Variants in MYO3B observed in about 807,000 individuals in gnomAD.
MYO3B encodes myosin IIIB, also known as myosin-IIIb.
MYO3B carries 156 observed loss-of-function variants against 174.6 expected under a neutral mutation model. The ratio of observed to expected loss-of-function variants is 0.89; its 90% CI spans 0.78 to 1.02. The LOEUF is 1.02. Ranked by LOEUF, MYO3B falls within the 50% of genes least tolerant of loss-of-function variation. MYO3B has a pLI of 0.00. For missense variants in MYO3B, 1,632 were observed against 1,639.4 expected, an observed-to-expected ratio of 1.00 and a Z score of 0.08; for synonymous variants, 563 against 569.1, an observed-to-expected ratio of 0.99 and a Z score of 0.15.
chr2:170,191,235 TC>T (rs1182673237), intron 1 of MYO3B, among the ~76,000 whole-genome samples: 1 of 151,668 alleles, frequency 6.6e-6, no homozygotes, highest in East Asian at 2.0e-4. Context: ...CTCTTCCCTC[TC>T]CTCTCCTCAA....
chr2:170,226,606 A>G (rs1181982987), intron 6 of MYO3B, among the ~76,000 whole-genome samples: 1 of 152,108 alleles, frequency 6.6e-6, no homozygotes, highest in Non-Finnish European at 1.5e-5. Flanking sequence ...CATGTGTCAT[A>G]TGTCAGTGTG....
intron 32 of MYO3B, among the ~76,000 whole-genome samples, chr2:170,547,304 T>G (rs1690577003): frequency 6.7e-6 from 1 of 149,072 alleles, no homozygotes; most frequent in African/African-American, 2.5e-5. Context: ...TACTCCAGCC[T>G]GGGCGACAGA....
intron 9 of MYO3B, among the ~76,000 whole-genome samples, chr2:170,379,558 A>G (rs1022742996): frequency 2.6e-5 from 4 of 152,198 alleles, no homozygotes; most frequent in African/African-American, 9.6e-5. Context: ...GGGGATTTTG[A>G]TCGGAAATAT....
chr2:170,386,355 G>T (rs9646733), intron 13 of MYO3B, 83 bp downstream of exon 13: 290,161 of 1,120,086 alleles, frequency 0.26, 41,901 homozygotes, highest in East Asian at 0.28. Flanking sequence ...GAAGTGCTGG[G>T]TTTTTTTTAT....
At chr2:170,520,101 G>A (rs896351344) in intron 30 of MYO3B, 3 of 152,200 alleles carry the variant, frequency 2.0e-5, no homozygotes, top group Admixed American at 6.5e-5. Flanking sequence ...GCGTCATCAG[G>A]TTAAACATCC....
At chr2:170,602,328 G>A in intron 32 of MYO3B, 1 of 665,268 alleles carries the variant, frequency 1.5e-6, no homozygotes, top group Non-Finnish European at 2.7e-6. Flanking sequence ...GTACTGCAGT[G>A]GCTGTGAGAG....
intron 7 of MYO3B, among the ~76,000 whole-genome samples, chr2:170,278,485 A>G (rs1574704271): frequency 1.3e-5 from 2 of 152,216 alleles, no homozygotes; most frequent in East Asian, 3.9e-4. Context: ...TTTTCTTTTT[A>G]CTGATACAGA....
intron 1 of MYO3B, among the ~76,000 whole-genome samples, chr2:170,196,283 G>A (rs1175150401): frequency 1.3e-5 from 2 of 152,160 alleles, no homozygotes; most frequent in African/African-American, 4.8e-5. Context: ...GAGTCAGGAG[G>A]ATCACTGTAG....
intron 7 of MYO3B, among the ~76,000 whole-genome samples, chr2:170,252,469 C>T (rs2093263470): frequency 6.6e-6 from 1 of 152,062 alleles, no homozygotes. Flanking sequence ...TGAGTAGTGG[C>T]CTACTTACAC....
At chr2:170,404,487 T>A (rs2094498149) in intron 20 of MYO3B, 87 bp downstream of exon 20, 1 of 1,337,100 alleles carries the variant, frequency 7.5e-7, no homozygotes, top group African/African-American at 1.5e-5. Context: ...TGAATTTACC[T>A]TACATATTTT....
At position 170,654,267 on chromosome 2, in the gene MYO3B, CAAAG is replaced by C. The variant is rs1559209556; in HGVS notation, c.*1149_*1152del. 1 of 152,022 alleles carries C rather than the reference CAAAG, an allele frequency of 6.6e-6. No homozygotes were observed. The highest frequency in any genetic ancestry group is 1.5e-5 in the Non-Finnish European group (1 of 68,000). The allele number at this position is 152,022 out of a possible 1,614,324, so 9.4% of individuals were successfully genotyped here. A position where few individuals can be genotyped will look rare whatever the true frequency, so the allele number is the denominator to read the frequency against. ...AATTGCAGTGTGATGTAATCAAAAA[CAAAG>C]AAGCCCTATAAGACCATTTCTCTAG... On this transcript the variant is annotated 3_prime_UTR_variant, in exon 35 of 35. Transcript: ENST00000408978.
At chr2:170,189,583 T>A (rs1472314289) in intron 1 of MYO3B, among the ~76,000 whole-genome samples, 1 of 151,992 alleles carries the variant, frequency 6.6e-6, no homozygotes, top group African/African-American at 2.4e-5. Context: ...GCTCACTCAT[T>A]CTTTCTTCTG....
chr2:170,378,471 G>A (rs80078058), intron 9 of MYO3B, among the ~76,000 whole-genome samples: 1,826 of 152,250 alleles, frequency 0.012, 38 homozygotes, highest in African/African-American at 0.042. Flanking sequence ...ATGGAAAGAG[G>A]CCACACATTG....
chr2:170,536,364 A>G (rs2106185877), intron 30 of MYO3B, among the ~76,000 whole-genome samples: 1 of 152,370 alleles, frequency 6.6e-6, no homozygotes, highest in South Asian at 2.1e-4. Context: ...TGTGCTTTAG[A>G]GCAAACAAAT....
rs769531863 is a variant in MYO3B, at chr2:170,401,802, C to CTTT, written c.2129+124_2129+126dup. ...CCTCTCTGGGATTTTCTTTCTTTTT[C>CTTT]TTTTTTTTTTTTTTTGTGGAGTCAG... On this transcript the variant is annotated intron_variant, in intron 18 of 34. Transcript: ENST00000408978. 2,528 of 695,538 alleles carry CTTT rather than the reference C, an allele frequency of 3.6e-3. 2 individuals carry two copies. Among genetic ancestry groups the CTTT allele is most frequent in the South Asian group, 4.3e-3 (216 of 49,818 alleles). 43.1% of individuals were successfully genotyped at this position (695,538 alleles called of 1,614,324 possible).
At chr2:170,290,885 G>A (rs1454694849) in intron 7 of MYO3B, among the ~76,000 whole-genome samples, 1 of 148,564 alleles carries the variant, frequency 6.7e-6, no homozygotes, top group Non-Finnish European at 1.5e-5. Flanking sequence ...AAAAAAAAAA[G>A]AACTTGTAGA....
chr2:170,243,404 G>A (rs912274853), intron 7 of MYO3B, among the ~76,000 whole-genome samples: 1 of 152,170 alleles, frequency 6.6e-6, no homozygotes, highest in Non-Finnish European at 1.5e-5. Context: ...CACAGATAGA[G>A]GAAGGAACAG....
intron 8 of MYO3B, among the ~76,000 whole-genome samples, chr2:170,356,121 C>T (rs936522586): frequency 7.9e-5 from 12 of 151,374 alleles, no homozygotes; most frequent in Admixed American, 5.9e-4. Context: ...CCACCATGCC[C>T]GGCTGACTTT....
intron 25 of MYO3B, among the ~76,000 whole-genome samples, chr2:170,477,681 A>T (rs1052987948): frequency 6.6e-6 from 1 of 150,984 alleles, no homozygotes; most frequent in African/African-American, 2.4e-5. Flanking sequence ...GATGTTTAGT[A>T]GCTTCTTTCT....
Sources: allele counts gnomAD v4.1 joint callset (sites outside exome capture counted in the v4.1 genomes callset), GRCh38; gene constraint gnomAD v4.1.1; transcripts MANE v1.5; gene names NCBI Gene and HGNC (gene_info 2026-07-23, HGNC 2026-07-21).